The following HBP1 variants were observed in gnomAD, a reference collection of about 807,000 sequenced individuals.
HBP1 encodes the protein HMG box-containing protein 1.
A neutral mutation model predicts 62.6 loss-of-function variants in HBP1; 20 were observed. That is an observed-to-expected ratio of 0.32 (90% CI 0.22 to 0.46). The LOEUF (loss-of-function observed/expected upper bound fraction) is 0.46, where lower values mean the gene tolerates loss of function less well. HBP1 is among the 20% of genes least tolerant of loss of function. The pLI, the probability that HBP1 is intolerant of heterozygous loss-of-function variation, is 1.00. For synonymous variants in HBP1, 232 were observed against 206.2 expected (o/e 1.12, Z -1.07); for missense variants, 480 against 611.8 (o/e 0.78, Z 2.27).
At position 107,186,466 on chromosome 7, in the gene HBP1, T is replaced by C. The variant is rs1023813263; in HGVS notation, c.646T>C (p.Leu216=). 2.5e-6 allele frequency: 4 copies of C among 1,606,594 alleles called. No homozygotes were observed. The highest frequency in any genetic ancestry group is 2.7e-5 in the African/African-American group (2 of 74,682). ...GCCTTCAACTGTCTGGCACTGTTTT[T>C]TGAAAGGTAAAACAAACAAACAAAC... is the stretch of plus-strand genomic sequence containing the variant. ...SWPSTVWHCF[L]KGTRLCFHKG... The change falls in exon 5 of 11, where the codon TTG becomes CTG. Residue 216 remains leucine, a synonymous_variant. Coordinates refer to ENST00000222574, the MANE Select transcript of HBP1 (RefSeq NM_012257.4).
intron 8 of HBP1, among the ~76,000 whole-genome samples, chr7:107,193,886 G>C (rs1294729810): frequency 2.0e-5 from 3 of 152,094 alleles, no homozygotes; most frequent in Non-Finnish European, 4.4e-5. Context: ...CTGTAGAATG[G>C]GGATAATATT....
intron 5 of HBP1, 39 bp downstream of exon 5, chr7:107,186,511 C>T (rs1274627013): frequency 6.4e-7 from 1 of 1,568,198 alleles, no homozygotes. Flanking sequence ...GAATTTTCCA[C>T]AGCTTACTTG....
intron 1 of HBP1, chr7:107,173,655 C>CT (rs1796709723): frequency 6.6e-6 from 1 of 152,174 alleles, no homozygotes; most frequent in Admixed American, 6.5e-5. Context: ...CTAGTTCTCT[C>CT]TTTCTCTCCT....
rs1311443504 is a variant in HBP1 at position 107,171,066 on chromosome 7, TATATA to T, written c.-16+1882_-16+1886del. ...GTATAAATATATATATATATATATA[TATATA>T]TATTTTTTTTTTTTTTTGAGAGGGA... On this transcript the variant is annotated intron_variant, in intron 1 of 10. Coordinates refer to ENST00000222574, the MANE Select transcript of HBP1 (RefSeq NM_012257.4). Among the ~76,000 whole-genome samples the T allele has an allele frequency of 1.9e-3, 109 of 57,588 alleles. 2 individuals carry two copies. The highest frequency in any genetic ancestry group is 2.5e-3 in the Admixed American group (12 of 4,784). 37.8% of individuals were successfully genotyped at this position (57,588 alleles called of 152,430 possible).
chr7:107,172,157 G>A (rs1796631777), intron 1 of HBP1, among the ~76,000 whole-genome samples: 1 of 150,936 alleles, frequency 6.6e-6, no homozygotes, highest in African/African-American at 2.4e-5. Context: ...CTCCATAATT[G>A]TGGTTGAGTT....
intron 6 of HBP1, among the ~76,000 whole-genome samples, chr7:107,186,889 G>A (rs1229326057): frequency 1.3e-5 from 2 of 152,130 alleles, no homozygotes; most frequent in Admixed American, 6.5e-5. Flanking sequence ...TTTCTTGGAT[G>A]GGAAATAGTA....
chr7:107,172,109 A>T (rs1796628790), intron 1 of HBP1, among the ~76,000 whole-genome samples: 1 of 151,608 alleles, frequency 6.6e-6, no homozygotes, highest in African/African-American at 2.4e-5. Flanking sequence ...CATAATTTCT[A>T]CTATCATTTT....
chr7:107,195,448 T>C (rs900635604), intron 8 of HBP1, among the ~76,000 whole-genome samples: 6 of 152,228 alleles, frequency 3.9e-5, no homozygotes, highest in African/African-American at 1.4e-4. Context: ...TGGGTGCCTA[T>C]AGGCCAAGAA....
At chr7:107,184,745 C>T (rs1345636110) in intron 3 of HBP1, among the ~76,000 whole-genome samples, 1 of 152,174 alleles carries the variant, frequency 6.6e-6, no homozygotes, top group Non-Finnish European at 1.5e-5. Flanking sequence ...CTCCTGACCT[C>T]GTGATCCGCT....
At position 107,170,080 on chromosome 7, in the gene HBP1, C is replaced by T. The variant is rs999552045; in HGVS notation, c.-16+895C>T. On this transcript the variant is annotated intron_variant, in intron 1 of 10. Transcript: ENST00000222574. ...TGTGCACTCTACACTCGAGTTCATT[C>T]TTAGGGAGTTTTCAGCTACAGTCGT... is the stretch of plus-strand genomic sequence containing the variant. The T allele has an allele frequency of 2.6e-4, 261 of 985,154 alleles. No homozygotes were observed. The East Asian group carries it at 2.7e-3, about 10-fold the overall frequency. The allele number at this position is 985,154 out of a possible 1,614,324, so 61.0% of individuals were successfully genotyped here. A position where few individuals can be genotyped will look rare whatever the true frequency, so the allele number is the denominator to read the frequency against.
At chr7:107,173,185 C>T (rs1048966574) in intron 1 of HBP1, among the ~76,000 whole-genome samples, 1 of 152,158 alleles carries the variant, frequency 6.6e-6, no homozygotes, top group Non-Finnish European at 1.5e-5. Context: ...CTTGTTTTAG[C>T]ATGTAATTAT....
chr7:107,196,577 TTAAAG>T (rs1328493962), intron 9 of HBP1: 22 of 255,610 alleles, frequency 8.6e-5, no homozygotes, highest in South Asian at 7.9e-4. Flanking sequence ...CAGGTTGACT[TTAAAG>T]TAAAAAGTTT....
At position 107,169,097 on chromosome 7, in the gene HBP1, A is replaced by G; in HGVS notation, c.-104A>G. On this transcript the variant is annotated 5_prime_UTR_variant, in exon 1 of 11. Transcript: ENST00000222574. ...GCAGTAACCCGCGCGGGGGAGGCCG[A>G]CGTCGGTCGGAGAGGGGGTACGAGA... The G allele has an allele frequency of 7.8e-7, 1 of 1,282,488 alleles. No individual in the cohort carries two copies. Among genetic ancestry groups the G allele is most frequent in the Admixed American group, 2.3e-5 (1 of 42,984 alleles). 79.4% of individuals were successfully genotyped at this position (1,282,488 alleles called of 1,614,324 possible).
chr7:107,185,416 C>G (rs1344786801), intron 3 of HBP1, among the ~76,000 whole-genome samples: 1 of 152,136 alleles, frequency 6.6e-6, no homozygotes, highest in Non-Finnish European at 1.5e-5. Flanking sequence ...TGTCTTCATA[C>G]TGAGACTTAC....
chr7:107,169,653 C>T (rs1054043285), intron 1 of HBP1: 4 of 757,758 alleles, frequency 5.3e-6, no homozygotes, highest in Non-Finnish European at 6.4e-6. Flanking sequence ...TCCTTCTGGA[C>T]TGAGGGGGAT....
In HBP1 at chr7:107,179,940, A is replaced by C. The variant is rs1797033367; in HGVS notation, c.47A>C (p.Lys16Thr). 1 of 1,610,658 alleles carries C rather than the reference A, an allele frequency of 6.2e-7. No individual in the cohort carries two copies. Among genetic ancestry groups the C allele is most frequent in the African/African-American group, 1.3e-5 (1 of 74,844 alleles). ...AATCAGATGCCTAATGCAGTACAGA[A>C]ACTCCTGTTGGTGATGGACAAGAGA... is the stretch of plus-strand genomic sequence containing the variant. ...KTNQMPNAVQ[K>T]LLLVMDKRAS... The change falls in exon 2 of 11, where the codon AAA (lysine) becomes ACA (threonine). Residue 16 changes from lysine to threonine, a missense_variant. Around this residue, in one of 4 missense-constraint regions of HBP1, gnomAD observed 304 missense variants for 330.9 expected, o/e 0.92. Coordinates refer to ENST00000222574, the MANE Select transcript of HBP1 (RefSeq NM_012257.4).
chr7:107,200,380 A>C (rs1798176819), intron 10 of HBP1, 79 bp downstream of exon 10: 1 of 1,194,240 alleles, frequency 8.4e-7, no homozygotes, highest in Non-Finnish European at 1.2e-6. Context: ...CAGTTGTTAC[A>C]ACCTTTAAGA....
intron 4 of HBP1, 135 bp from the exon 5 acceptor site, chr7:107,186,215 TTTTTGAAGGCA>T: frequency 1.9e-6 from 1 of 516,542 alleles, no homozygotes; most frequent in Non-Finnish European, 3.4e-6. Flanking sequence ...CAACCCTCAG[TTTTTGAAGGCA>T]TTATATTTTC....
chr7:107,170,257 G>A, intron 1 of HBP1: 1 of 323,892 alleles, frequency 3.1e-6, no homozygotes, highest in Non-Finnish European at 4.4e-6. Flanking sequence ...CAGCTCGGAT[G>A]GAGGCTTTAG....
Sources: allele counts gnomAD v4.1 joint callset (sites outside exome capture counted in the v4.1 genomes callset), GRCh38; gene constraint gnomAD v4.1.1; regional missense constraint gnomAD v4.1.1; transcripts MANE v1.5; gene names NCBI Gene and HGNC (gene_info 2026-07-23, HGNC 2026-07-21).